The following NKAIN2 variants were observed in gnomAD, a reference collection of about 807,000 sequenced individuals.
NKAIN2 encodes the protein sodium/potassium transporting ATPase interacting 2.
In NKAIN2, 14 loss-of-function variants were observed where a neutral mutation model predicts 32.6. The ratio of observed to expected loss-of-function variants is 0.43; its 90% CI spans 0.28 to 0.67. The LOEUF is 0.67. Among genes scored for constraint, NKAIN2 ranks in the 30% least tolerant of loss-of-function variants. The pLI, the probability that NKAIN2 is intolerant of heterozygous loss-of-function variation, is 0.17. For missense variants in NKAIN2, 198 were observed against 258.3 expected (o/e 0.77, Z 1.60); for synonymous variants, 80 against 87.2 (o/e 0.92, Z 0.46).
intron 4 of NKAIN2, among the ~76,000 whole-genome samples, chr6:124,769,003 C>A (rs1230460744): frequency 6.6e-6 from 1 of 152,172 alleles, no homozygotes; most frequent in African/African-American, 2.4e-5. Context: ...TCCTCTCATG[C>A]AGAATGAACA....
intron 1 of NKAIN2, among the ~76,000 whole-genome samples, chr6:123,846,930 A>T (rs1309262942): frequency 6.6e-6 from 1 of 152,108 alleles, no homozygotes; most frequent in Non-Finnish European, 1.5e-5. Flanking sequence ...TGTACTGGAG[A>T]TGGAGATAAA....
chr6:124,597,661 C>G (rs955209349), intron 3 of NKAIN2, among the ~76,000 whole-genome samples: 1 of 152,102 alleles, frequency 6.6e-6, no homozygotes, highest in African/African-American at 2.4e-5. Context: ...TTCTTTAACT[C>G]TCTACCTCTA....
chr6:124,238,339 GA>G (rs1489451798), intron 1 of NKAIN2, among the ~76,000 whole-genome samples: 12 of 152,084 alleles, frequency 7.9e-5, no homozygotes, highest in African/African-American at 2.7e-4. Flanking sequence ...CTGCTTTCAT[GA>G]AAGCTATTTT....
chr6:124,654,942 C>G (rs1039401612), intron 3 of NKAIN2, among the ~76,000 whole-genome samples: 1 of 151,986 alleles, frequency 6.6e-6, no homozygotes, highest in Non-Finnish European at 1.5e-5. Flanking sequence ...CTTAAGCCAC[C>G]CTATTTGTGG....
chr6:124,727,101 G>A (rs961026201), intron 4 of NKAIN2, among the ~76,000 whole-genome samples: 1 of 152,166 alleles, frequency 6.6e-6, no homozygotes, highest in Non-Finnish European at 1.5e-5. Flanking sequence ...TGAAAGTGAA[G>A]TGGAGAATGG....
chr6:124,339,154 A>G (rs1398337799), intron 2 of NKAIN2, among the ~76,000 whole-genome samples: 2 of 152,168 alleles, frequency 1.3e-5, no homozygotes, highest in Non-Finnish European at 2.9e-5. Context: ...CATACTGGCC[A>G]ACATGGTGAA....
intron 4 of NKAIN2, among the ~76,000 whole-genome samples, chr6:124,720,121 T>G (rs902911634): frequency 6.6e-6 from 1 of 152,184 alleles, no homozygotes; most frequent in Non-Finnish European, 1.5e-5. Flanking sequence ...TGGCATAATT[T>G]TAGCTAAAAT....
intron 1 of NKAIN2, among the ~76,000 whole-genome samples, chr6:124,204,739 A>G (rs147568474): frequency 1.3e-5 from 2 of 151,842 alleles, no homozygotes; most frequent in East Asian, 3.9e-4. Flanking sequence ...CCCAAATGAC[A>G]TTTCTCTTGG....
At chr6:124,637,461 A>G (rs1365834448) in intron 3 of NKAIN2, among the ~76,000 whole-genome samples, 2 of 152,128 alleles carry the variant, frequency 1.3e-5, no homozygotes, top group Non-Finnish European at 2.9e-5. Context: ...CTCTTTGCAA[A>G]TAACATTTTT....
chr6:124,193,370 A>C (rs1790128636), intron 1 of NKAIN2, among the ~76,000 whole-genome samples: 1 of 152,198 alleles, frequency 6.6e-6, no homozygotes, highest in African/African-American at 2.4e-5. Context: ...GCAGCAGGGC[A>C]GGCAGCTCCA....
intron 1 of NKAIN2, among the ~76,000 whole-genome samples, chr6:124,258,751 G>A (rs759215847): frequency 2.0e-5 from 3 of 152,112 alleles, no homozygotes; most frequent in African/African-American, 7.2e-5. Flanking sequence ...GGTAGGCAGG[G>A]CCTATATTCT....
intron 3 of NKAIN2, among the ~76,000 whole-genome samples, chr6:124,476,097 TGC>T (rs1554213850): frequency 7.8e-6 from 1 of 128,478 alleles, no homozygotes; most frequent in Non-Finnish European, 1.7e-5. Context: ...TGTGTGTGTG[TGC>T]GTGCGCGCGC....
chr6:124,046,633 TGTTA>T (rs886302707), intron 1 of NKAIN2, among the ~76,000 whole-genome samples: 7 of 152,144 alleles, frequency 4.6e-5, no homozygotes, highest in Middle Eastern at 3.4e-3. Context: ...GTATATTGTT[TGTTA>T]TAGTTTGGTC....
chr6:124,637,999 T>TA (rs1783836402), intron 3 of NKAIN2, among the ~76,000 whole-genome samples: 3 of 152,126 alleles, frequency 2.0e-5, no homozygotes, highest in South Asian at 4.1e-4. Flanking sequence ...CTATCTAACT[T>TA]AAAAAATATA....
At chr6:124,519,168 T>C (rs1779032422) in intron 3 of NKAIN2, among the ~76,000 whole-genome samples, 1 of 152,120 alleles carries the variant, frequency 6.6e-6, no homozygotes, top group African/African-American at 2.4e-5. Context: ...TGTTCAAAAT[T>C]AGCTCAAGAT....
At chr6:124,467,559 T>C (rs1444567032) in intron 3 of NKAIN2, among the ~76,000 whole-genome samples, 1 of 152,092 alleles carries the variant, frequency 6.6e-6, no homozygotes. Flanking sequence ...AGTTGCTCTA[T>C]TTACAAGGAA....
intron 1 of NKAIN2, among the ~76,000 whole-genome samples, chr6:124,132,464 T>C (rs1786528113): frequency 6.6e-6 from 1 of 152,232 alleles, no homozygotes. Context: ...GCTGGTGCTC[T>C]CTTGAAAGAA....
chr6:124,666,440 A>G (rs1446888080), intron 4 of NKAIN2, among the ~76,000 whole-genome samples: 8 of 152,180 alleles, frequency 5.3e-5, no homozygotes, highest in Admixed American at 5.2e-4. Flanking sequence ...AGTAAAAAAT[A>G]TTATTATTAC....
At chr6:124,114,367 TG>T (rs942603345) in intron 1 of NKAIN2, among the ~76,000 whole-genome samples, 5 of 152,002 alleles carry the variant, frequency 3.3e-5, no homozygotes, top group African/African-American at 7.2e-5. Flanking sequence ...TTAACAGAAA[TG>T]GGGATGACTG....
Sources: gnomAD v4.1 joint callset for allele counts (sites outside exome capture counted in the v4.1 genomes callset) on GRCh38, gnomAD v4.1.1 for gene constraint, MANE v1.5 for transcripts, NCBI Gene and HGNC (gene_info 2026-07-23, HGNC 2026-07-21) for gene names.